DYM: variants seen among roughly 807,000 people sequenced by gnomAD.
DYM encodes the protein dymeclin, also known as dyggve-Melchior-Clausen syndrome protein.
A neutral mutation model predicts 93.1 loss-of-function variants in DYM; 78 were observed. That is an observed-to-expected ratio of 0.84 (90% CI 0.70 to 1.01). The LOEUF is 1.01. Ranked by LOEUF, DYM falls within the 50% of genes least tolerant of loss-of-function variation. The pLI, the probability that DYM is intolerant of heterozygous loss-of-function variation, is 0.00. For missense variants in DYM, 789 were observed against 845.0 expected (o/e 0.93, Z 0.82); for synonymous variants, 321 against 319.7 (o/e 1.00, Z -0.04).
At chr18:49,342,848 G>A (rs1015235505) in intron 6 of DYM, among the ~76,000 whole-genome samples, 15 of 152,162 alleles carry the variant, frequency 9.9e-5, no homozygotes, top group Non-Finnish European at 1.5e-5. Flanking sequence ...CAGGGTAGGT[G>A]TGTAGCAGGC....
At chr18:49,230,143 T>A (rs1012866598) in intron 13 of DYM, among the ~76,000 whole-genome samples, 1 of 152,214 alleles carries the variant, frequency 6.6e-6, no homozygotes, top group Non-Finnish European at 1.5e-5. Context: ...CATGACTATA[T>A]GTGTTTGTCA....
In DYM at chr18:49,219,003, C is replaced by T. The variant is rs187979961; in HGVS notation, c.1461-9288G>A. Among the ~76,000 whole-genome samples, 1,512 of 152,044 alleles carry T rather than the reference C, an allele frequency of 9.9e-3. 50 individuals are homozygous for T. The highest frequency in any genetic ancestry group is 0.073 in the Admixed American group (1,111 of 15,288). On this transcript the variant is annotated intron_variant, in intron 13 of 17. Transcript: ENST00000675505. ...GAAAGGATCAACAAAATTGATAGAC[C>T]GCTAGCAAGACTAATAAAGACGAAA...
chr18:49,336,799 T>C (rs780019003), intron 6 of DYM, among the ~76,000 whole-genome samples: 7 of 152,022 alleles, frequency 4.6e-5, no homozygotes, highest in Middle Eastern at 3.4e-3. Flanking sequence ...AAAAGGACTA[T>C]AAAGGAAAAA....
In DYM at chr18:49,252,216, CAAAAAAAAAA is replaced by C. The variant is rs774500057; in HGVS notation, c.1460+4784_1460+4793del. On this transcript the variant is annotated intron_variant, in intron 13 of 17. Coordinates refer to ENST00000675505, the MANE Select transcript of DYM (RefSeq NM_001353214.3). ...CTGGCCAACAGAGTGAGACTTGCCTCAAAAAAAAAAAAAAAAAAAAAAAAAAGAACTGCCT... is the reference window on the plus strand; with the variant it reads ...CTGGCCAACAGAGTGAGACTTGCCTCAAAAAAAAAAAAAAAAGAACTGCCT... Among the ~76,000 whole-genome samples the C allele has an allele frequency of 4.0e-4, 11 of 27,230 alleles. 2 individuals carry two copies. Among genetic ancestry groups the C allele is most frequent in the East Asian group, 2.7e-3 (2 of 740 alleles). The allele number at this position is 27,230 out of a possible 152,430, so 17.9% of individuals were successfully genotyped here.
chr18:49,280,970 A>C (rs2145721493), intron 10 of DYM, among the ~76,000 whole-genome samples: 1 of 152,334 alleles, frequency 6.6e-6, no homozygotes, highest in Admixed American at 6.5e-5. Flanking sequence ...ATTAAACTAA[A>C]GAGCTTCTGC....
At chr18:49,242,979 CGT>C (rs1475001844) in intron 13 of DYM, among the ~76,000 whole-genome samples, 2 of 152,134 alleles carry the variant, frequency 1.3e-5, no homozygotes, top group Non-Finnish European at 2.9e-5. Context: ...GGATTACAGG[CGT>C]GAGCCACCGC....
At chr18:49,222,001 G>GA (rs2093379968) in intron 13 of DYM, among the ~76,000 whole-genome samples, 2 of 150,750 alleles carry the variant, frequency 1.3e-5, no homozygotes, top group African/African-American at 4.9e-5. Flanking sequence ...AAAAAAGAAA[G>GA]AAAAAAGAAA....
chr18:49,364,236 G>A (rs1228327428), intron 5 of DYM, among the ~76,000 whole-genome samples: 1 of 152,134 alleles, frequency 6.6e-6, no homozygotes, highest in Non-Finnish European at 1.5e-5. Flanking sequence ...CCTGAGGTCA[G>A]GAGTTCGAGA....
At chr18:49,375,608 A>G (rs561163869) in intron 5 of DYM, 1 of 152,334 alleles carries the variant, frequency 6.6e-6, no homozygotes, top group East Asian at 1.9e-4. Context: ...CAAGAATAAT[A>G]AAGTTATCCA....
Position 49,077,256 on chromosome 18 carries a change from C to T in DYM, c.2025+20146G>A, listed in dbSNP as rs566364797. ...GAAAGCCCCTTCCTGTGCCTTTGCACATGATTTTCTGTGCTGTCCCCCTGG... is the reference window on the plus strand; with the variant it reads ...GAAAGCCCCTTCCTGTGCCTTTGCATATGATTTTCTGTGCTGTCCCCCTGG... On this transcript the variant is annotated intron_variant, in intron 17 of 17. Coordinates refer to ENST00000675505, the MANE Select transcript of DYM (RefSeq NM_001353214.3). Among the ~76,000 whole-genome samples, 6 of 152,330 alleles carry T rather than the reference C, an allele frequency of 3.9e-5. No homozygotes were observed. The South Asian group carries it at 1.0e-3, about 26-fold the overall frequency.
intron 2 of DYM, among the ~76,000 whole-genome samples, chr18:49,399,928 A>ATTTTTTT (rs1258036704): frequency 1.1e-5 from 1 of 94,238 alleles, no homozygotes; most frequent in Non-Finnish European, 2.2e-5. Context: ...ATTTATTTTT[A>ATTTTTTT]TTTTTCTTTT....
At chr18:49,204,728 G>T (rs1019457177) in intron 14 of DYM, among the ~76,000 whole-genome samples, 1 of 152,068 alleles carries the variant, frequency 6.6e-6, no homozygotes, top group Non-Finnish European at 1.5e-5. Flanking sequence ...ACCTCAACTC[G>T]CTACTGAAGT....
chr18:49,312,810 A>G (rs1038578448), intron 8 of DYM, among the ~76,000 whole-genome samples: 3 of 152,174 alleles, frequency 2.0e-5, no homozygotes, highest in Non-Finnish European at 4.4e-5. Flanking sequence ...AAAATCCTGC[A>G]TCAGTTGGGT....
chr18:49,395,355 C>T (rs547989289), intron 2 of DYM, among the ~76,000 whole-genome samples: 22 of 152,158 alleles, frequency 1.4e-4, no homozygotes, highest in East Asian at 1.4e-3. Context: ...CAAGGCCAGG[C>T]GCAGTGGCTC....
At chr18:49,285,196 G>A (rs1419385643) in intron 9 of DYM, among the ~76,000 whole-genome samples, 1 of 152,184 alleles carries the variant, frequency 6.6e-6, no homozygotes, top group African/African-American at 2.4e-5. Context: ...TATTTTGTTA[G>A]AGCAGCACAA....
chr18:49,060,808 C>G (rs921713927), intron 17 of DYM, among the ~76,000 whole-genome samples: 2 of 148,820 alleles, frequency 1.3e-5, no homozygotes, highest in African/African-American at 5.0e-5. Flanking sequence ...AGAGAGAGAC[C>G]GTGAAAAGTA....
chr18:49,414,679 C>T (rs2072709534), intron 2 of DYM, among the ~76,000 whole-genome samples: 1 of 152,192 alleles, frequency 6.6e-6, no homozygotes, highest in African/African-American at 2.4e-5. Context: ...ATGCATGGCT[C>T]ACTCCCTGGC....
Position 49,378,685 on chromosome 18 carries a change from C to T in DYM, c.303G>A (p.Trp101Ter), listed in dbSNP as rs2067747770. Residue 101 changes from tryptophan to a stop codon, truncating the protein, a stop_gained, in exon 5 of 18, where the codon TGG becomes TGA. Transcript: ENST00000675505. LOFTEE classifies it high-confidence loss of function. ...TAATAAACAAAGCATTGTGTGTCTG[C>T]CAAATGAAGATGTGGCTAGAAAGAC... ...SAECQNHIFIWQTHNALFIIC... is the reference protein window; with the variant it reads ...SAECQNHIFI 6.2e-7 allele frequency: 1 copy of T among 1,612,954 alleles called. No individual in the cohort carries two copies. The highest frequency in any genetic ancestry group is 1.3e-5 in the African/African-American group (1 of 74,866).
At chr18:49,163,549 T>C (rs1600254836) in intron 15 of DYM, 136 bp downstream of exon 15, 1 of 616,424 alleles carries the variant, frequency 1.6e-6, no homozygotes. Flanking sequence ...TTTCACCATG[T>C]TGGCCAGGCT....
Sources: gnomAD v4.1 joint callset for allele counts (sites outside exome capture counted in the v4.1 genomes callset) on GRCh38, gnomAD v4.1.1 for gene constraint, MANE v1.5 for transcripts, NCBI Gene and HGNC (gene_info 2026-07-23, HGNC 2026-07-21) for gene names.